RTKN2: variants seen among roughly 807,000 people sequenced by gnomAD.
RTKN2 encodes rhotekin-2.
A neutral mutation model predicts 71.5 loss-of-function variants in RTKN2; 69 were observed. That is an observed-to-expected ratio of 0.96 (90% confidence interval 0.79 to 1.18). The LOEUF (loss-of-function observed/expected upper bound fraction) is 1.18, where lower values mean the gene tolerates loss of function less well. Ranked by LOEUF, RTKN2 falls within the 50% of genes most tolerant of loss-of-function variation. RTKN2 has a pLI of 0.00. For synonymous variants in RTKN2, 236 were observed against 236.5 expected (o/e 1.00, Z 0.02); for missense variants, 724 against 719.7 (o/e 1.01, Z -0.07).
intron 5 of RTKN2, chr10:62,239,156 A>T (rs1235284984): frequency 6.6e-6 from 1 of 152,274 alleles, no homozygotes; most frequent in Non-Finnish European, 1.5e-5. Context: ...GTGCACCATA[A>T]GAAAAAGAAC....
chr10:62,266,555 G>A (rs55832840), intron 1 of RTKN2, among the ~76,000 whole-genome samples: 110,079 of 151,352 alleles, frequency 0.73, 40,305 homozygotes, highest in East Asian at 0.89. Context: ...ACTGGAGACC[G>A]AATTCTTAAA....
chr10:62,268,791 T>G lies in RTKN2; in HGVS notation c.-181A>C. The G allele has an allele frequency of 3.4e-6, 2 of 594,370 alleles. 1 individual carries two copies. Among genetic ancestry groups the G allele is most frequent in the South Asian group, 4.4e-5 (2 of 45,100 alleles). 36.8% of individuals were successfully genotyped at this position (594,370 alleles called of 1,614,324 possible). ...CGCGCAGTGGGCGCGCCTTGCGCTC[T>G]GCAGCTCCCGCCGCCGGAAGTTGCC... On this transcript the variant is annotated 5_prime_UTR_variant, in exon 1 of 12. Coordinates refer to ENST00000373789, the MANE Select transcript of RTKN2 (RefSeq NM_145307.4).
In RTKN2 at chr10:62,198,115, C is replaced by T; in HGVS notation, c.1623G>A (p.Leu541=). Residue 541 remains leucine (L), a synonymous_variant, in exon 12 of 12, where the codon TTG becomes TTA. Transcript: ENST00000373789. ...GKTSVSQTSS[L]DTKLSTLMHH... is the part of the protein sequence containing the mutation. Reference sequence around the variant, plus strand: ...GCATTAGAGTTGATAGTTTGGTATCCAAAGACGATGTCTGAGATACACTTG... The same window carrying T: ...GCATTAGAGTTGATAGTTTGGTATCTAAAGACGATGTCTGAGATACACTTG... The T allele has an allele frequency of 6.2e-7, 1 of 1,614,092 alleles. No homozygotes were observed. Among genetic ancestry groups the T allele is most frequent in the South Asian group, 1.1e-5 (1 of 91,076 alleles).
intron 1 of RTKN2, among the ~76,000 whole-genome samples, chr10:62,265,111 AAT>A (rs1280520381): frequency 6.6e-6 from 1 of 152,178 alleles, no homozygotes; most frequent in Non-Finnish European, 1.5e-5. Context: ...TTAAAAAAAA[AAT>A]GTACGTGTAA....
At chr10:62,225,634 A>G (rs921076993) in intron 6 of RTKN2, among the ~76,000 whole-genome samples, 6 of 151,878 alleles carry the variant, frequency 4.0e-5, no homozygotes, top group African/African-American at 1.5e-4. Flanking sequence ...CACTCATTCC[A>G]TTTTTTTCAT....
intron 6 of RTKN2, among the ~76,000 whole-genome samples, chr10:62,226,313 C>T (rs1842022941): frequency 6.6e-6 from 1 of 152,092 alleles, no homozygotes; most frequent in South Asian, 2.1e-4. Flanking sequence ...GTCTCTATTA[C>T]AAAAATACAT....
At chr10:62,203,634 C>T (rs1025316301) in intron 10 of RTKN2, among the ~76,000 whole-genome samples, 5 of 152,184 alleles carry the variant, frequency 3.3e-5, no homozygotes, top group Admixed American at 2.0e-4. Context: ...CGTGAGCCAC[C>T]GTGCCTGGCC....
chr10:62,226,857 A>C (rs1049960172), intron 6 of RTKN2, among the ~76,000 whole-genome samples: 21 of 152,238 alleles, frequency 1.4e-4, no homozygotes, highest in African/African-American at 5.1e-4. Flanking sequence ...GAACTTTGGG[A>C]GGGTGAGGCA....
chr10:62,262,560 T>A, intron 2 of RTKN2, 65 bp downstream of exon 2: 1 of 1,126,470 alleles, frequency 8.9e-7, no homozygotes, highest in South Asian at 1.6e-5. Context: ...AAGCTTAAAT[T>A]ATACTGTGTT....
At chr10:62,239,869 T>A in intron 4 of RTKN2, 104 bp from the exon 5 acceptor site, 3 of 666,998 alleles carry the variant, frequency 4.5e-6, no homozygotes, top group Non-Finnish European at 8.0e-6. Context: ...AATAGATTCT[T>A]TTCATACATT....
At chr10:62,211,391 C>T (rs1841655259) in intron 9 of RTKN2, among the ~76,000 whole-genome samples, 1 of 152,062 alleles carries the variant, frequency 6.6e-6, no homozygotes, top group Non-Finnish European at 1.5e-5. Context: ...CTAACTTAGC[C>T]TTACAAGAAA....
In RTKN2 at chr10:62,231,690, T is replaced by TAA. The variant is rs897117029; in HGVS notation, c.686+4374_686+4375dup. Among the ~76,000 whole-genome samples, 3 of 151,120 alleles carry TAA rather than the reference T, an allele frequency of 2.0e-5. No homozygotes were observed. The East Asian group carries it at 5.8e-4, about 29-fold the overall frequency. On this transcript the variant is annotated intron_variant, in intron 6 of 11. Transcript: ENST00000373789. ...TTTTTTGGAGGAAGGGGAATGTTAT[T>TAA]AAAAAAAAATGGCTTAAATGGTAGT...
At chr10:62,266,980 C>T (rs1453484426) in intron 1 of RTKN2, among the ~76,000 whole-genome samples, 3 of 152,184 alleles carry the variant, frequency 2.0e-5, no homozygotes, top group Non-Finnish European at 2.9e-5. Flanking sequence ...GGTGTTTGAC[C>T]AGTGTGTGAC....
intron 9 of RTKN2, chr10:62,215,201 T>C: frequency 3.4e-6 from 2 of 592,530 alleles, no homozygotes; most frequent in South Asian, 5.7e-5. Context: ...CCTCAGCTAT[T>C]TAGTAAAAGC....
chr10:62,257,127 AAAG>A (rs1165812971), intron 2 of RTKN2, among the ~76,000 whole-genome samples: 1 of 152,230 alleles, frequency 6.6e-6, no homozygotes, highest in East Asian at 1.9e-4. Flanking sequence ...TATAAGGTAG[AAAG>A]AAGGAGAGAA....
rs374290641 is a variant in RTKN2, at chr10:62,246,007, G to A, written c.308C>T (p.Ala103Val). 5 of 1,579,912 alleles carry A rather than the reference G, an allele frequency of 3.2e-6. No individual in the cohort carries two copies. The highest frequency in any genetic ancestry group is 4.3e-6 in the Non-Finnish European group (5 of 1,157,914). ...KERTACKGKI[A>V]ISDIRIPLMW... The stretch of plus-strand genomic sequence containing the variant: ...ATTCATTTATAGCATACCTGATATG[G>A]CAATCTTTCCTTTACATGCTGTTCG... The change falls in exon 3 of 12, where the codon GCC (alanine) becomes GTC (valine). Residue 103 changes from alanine (A) to valine (V), a missense_variant. Ala to Val is a moderately conservative substitution (Grantham distance 64). Coordinates refer to ENST00000373789, the MANE Select transcript of RTKN2 (RefSeq NM_145307.4).
rs912706668 is a variant in RTKN2 at position 62,217,208 on chromosome 10, A to T, written c.930T>A (p.Cys310Ter). 3.1e-6 allele frequency: 5 copies of T among 1,601,330 alleles called. No homozygotes were observed. The highest frequency in any genetic ancestry group is 4.3e-6 in the Non-Finnish European group (5 of 1,173,942). Residue 310 changes from cysteine (C) to a stop codon, truncating the protein, a stop_gained, in exon 9 of 12, where the codon TGT becomes TGA. Coordinates refer to ENST00000373789, the MANE Select transcript of RTKN2 (RefSeq NM_145307.4). LOFTEE classifies it high-confidence loss of function. ...EGLISWRRLY[C>*]VLRGGKLYCF... ...AATAGAGTTTACCTCCTCGCAAAAC[A>T]CAATACAACCTTCTCCAACTAATCA...
At chr10:62,201,403 A>C (rs1432498131) in intron 10 of RTKN2, among the ~76,000 whole-genome samples, 1 of 152,168 alleles carries the variant, frequency 6.6e-6, no homozygotes, top group Non-Finnish European at 1.5e-5. Flanking sequence ...AAAATTTCAA[A>C]ATAAGCCACA....
intron 2 of RTKN2, among the ~76,000 whole-genome samples, chr10:62,256,022 CTTTTT>C (rs34518542): frequency 2.1e-5 from 3 of 145,762 alleles, no homozygotes; most frequent in African/African-American, 7.6e-5. Flanking sequence ...AATCTAGACT[CTTTTT>C]TTTTTTTTTG....
Sources: gnomAD v4.1 joint callset for allele counts (sites outside exome capture counted in the v4.1 genomes callset) on GRCh38, gnomAD v4.1.1 for gene constraint, MANE v1.5 for transcripts, NCBI Gene and HGNC (gene_info 2026-07-23, HGNC 2026-07-21) for gene names.